AGAP5: variants seen among roughly 807,000 people sequenced by gnomAD.
AGAP5 encodes arf-GAP with GTPase, ANK repeat and PH domain-containing protein 5.
A neutral mutation model predicts 27.7 loss-of-function variants in AGAP5; 8 were observed. The ratio of observed to expected loss-of-function variants is 0.29; its 90% confidence interval spans 0.17 to 0.52. The LOEUF is 0.52. Among genes scored for constraint, AGAP5 ranks in the 20% least tolerant of loss-of-function variants. AGAP5 has a pLI of 0.97. For synonymous variants in AGAP5, 111 were observed against 338.0 expected (o/e 0.33, Z 7.37); for missense variants, 285 against 880.8 (o/e 0.32, Z 8.56).
intron 6 of AGAP5, among the ~76,000 whole-genome samples, chr10:73,677,762 G>A (rs953095638): frequency 1.3e-4 from 19 of 151,930 alleles, no homozygotes; most frequent in Admixed American, 1.2e-3. Context: ...GTAATACAAA[G>A]TCATTGCCTG....
chr10:73,693,515 TG>T (rs58181997), intron 3 of AGAP5, among the ~76,000 whole-genome samples: 151,958 of 151,958 alleles, frequency 1, 75,979 homozygotes, highest in Non-Finnish European at 1. Context: ...CTGGCCAACA[TG>T]GGTGAAACCC....
chr10:73,677,244 T>C (rs1217938374), intron 6 of AGAP5, among the ~76,000 whole-genome samples: 1 of 151,800 alleles, frequency 6.6e-6, no homozygotes, highest in Non-Finnish European at 1.5e-5. Flanking sequence ...AGGCCAGTCT[T>C]TGAGGAACTT....
chr10:73,686,535 C>T (rs2082065161), intron 4 of AGAP5, among the ~76,000 whole-genome samples: 1 of 152,160 alleles, frequency 6.6e-6, no homozygotes, highest in Non-Finnish European at 1.5e-5. Flanking sequence ...GCAAATGCAA[C>T]AGAAACAAAT....
intron 2 of AGAP5, among the ~76,000 whole-genome samples, chr10:73,695,378 T>C: frequency 1.3e-5 from 2 of 152,172 alleles, no homozygotes. Flanking sequence ...ACACAGGCCT[T>C]ATTTGTATTG....
At chr10:73,680,510 C>G (rs989729515) in intron 5 of AGAP5, among the ~76,000 whole-genome samples, 1 of 115,012 alleles carries the variant, frequency 8.7e-6, no homozygotes, top group Non-Finnish European at 1.8e-5. Flanking sequence ...CTCCACCACC[C>G]AGGTTCAAGC....
At chr10:73,697,214 T>C (rs1288759563) in intron 1 of AGAP5, 51 bp from the exon 2 acceptor site, 2 of 1,587,682 alleles carry the variant, frequency 1.3e-6, no homozygotes, top group African/African-American at 2.7e-5. Flanking sequence ...TTATAAAAAT[T>C]TATCAACTCA....
At chr10:73,687,236 A>T (rs1048865588) in intron 4 of AGAP5, among the ~76,000 whole-genome samples, 3 of 152,246 alleles carry the variant, frequency 2.0e-5, no homozygotes, top group African/African-American at 7.2e-5. Flanking sequence ...AATTTTATAT[A>T]TGTTTTTAAA....
At chr10:73,697,368 G>A (rs1446200943) in intron 1 of AGAP5, among the ~76,000 whole-genome samples, 165 bp downstream of exon 1, 4 of 151,998 alleles carry the variant, frequency 2.6e-5, no homozygotes, top group Non-Finnish European at 5.9e-5. Flanking sequence ...GAAAGACTAA[G>A]GGGTGGGAAT....
chr10:73,692,872 C>T (rs191509886), intron 3 of AGAP5, among the ~76,000 whole-genome samples: 45 of 152,012 alleles, frequency 3.0e-4, no homozygotes, highest in Non-Finnish European at 4.7e-4. Flanking sequence ...GTCTTGATCT[C>T]CTAACCTCGT....
Position 73,697,490 on chromosome 10 carries a change from C to T in AGAP5, c.223+43G>A, listed in dbSNP as rs187954045. Reference sequence around the variant, plus strand: ...AAGGGAACCTTGGGGACAGCAGCAGCCAGAGGCAAACCGAGGGTAGATGGC... The same window carrying T: ...AAGGGAACCTTGGGGACAGCAGCAGTCAGAGGCAAACCGAGGGTAGATGGC... On this transcript the variant is annotated intron_variant, in intron 1 of 7. Coordinates refer to ENST00000374094, the MANE Select transcript of AGAP5 (RefSeq NM_001144000.4). The T allele has an allele frequency of 1.1e-4, 182 of 1,607,914 alleles. No individual in the cohort carries two copies. The African/African-American group carries it at 2.2e-3, about 19-fold the overall frequency.
At chr10:73,686,363 A>C (rs1434302049) in intron 4 of AGAP5, among the ~76,000 whole-genome samples, 1 of 152,234 alleles carries the variant, frequency 6.6e-6, no homozygotes, top group Non-Finnish European at 1.5e-5. Flanking sequence ...ATGCGGGAGA[A>C]TGAAACTGGA....
chr10:73,679,409 G>A (rs1016681834), intron 6 of AGAP5, among the ~76,000 whole-genome samples: 2 of 151,976 alleles, frequency 1.3e-5, no homozygotes, highest in African/African-American at 4.8e-5. Flanking sequence ...TGATCCGCCC[G>A]CCTCAGCCTC....
intron 4 of AGAP5, among the ~76,000 whole-genome samples, chr10:73,690,472 G>A (rs532190142): frequency 4.6e-5 from 7 of 152,098 alleles, no homozygotes; most frequent in African/African-American, 1.4e-4. Context: ...CAAACACTGC[G>A]GAAGGCCGCA....
In AGAP5 at chr10:73,674,471, A is replaced by G. The variant is rs2081958815; in HGVS notation, c.*128T>C. ...AAATCAACATTTTGTGTATTTACTT[A>G]GTTTATGAAAAGTACTGAAAATGCT... On this transcript the variant is annotated 3_prime_UTR_variant, in exon 8 of 8. Coordinates refer to ENST00000374094, the MANE Select transcript of AGAP5 (RefSeq NM_001144000.4). The G allele has an allele frequency of 6.3e-7, 1 of 1,584,362 alleles. No homozygotes were observed. The highest frequency in any genetic ancestry group is 8.6e-7 in the Non-Finnish European group (1 of 1,163,610).
chr10:73,679,309 C>T (rs1173679124), intron 6 of AGAP5, among the ~76,000 whole-genome samples: 1 of 151,902 alleles, frequency 6.6e-6, no homozygotes, highest in African/African-American at 2.4e-5. Context: ...ACTACAGGTG[C>T]GTGCCACCAT....
At chr10:73,690,134 A>C (rs2082104604) in intron 4 of AGAP5, among the ~76,000 whole-genome samples, 1 of 152,270 alleles carries the variant, frequency 6.6e-6, no homozygotes, top group Non-Finnish European at 1.5e-5. Context: ...AGAACGGGCC[A>C]TGATGACAAT....
chr10:73,692,428 A>AGC (rs2082127338), intron 3 of AGAP5, among the ~76,000 whole-genome samples: 2 of 152,118 alleles, frequency 1.3e-5, no homozygotes, highest in African/African-American at 4.8e-5. Flanking sequence ...CTAATTCTGC[A>AGC]TTTACACATA....
intron 4 of AGAP5, among the ~76,000 whole-genome samples, chr10:73,689,494 G>T (rs2132454460): frequency 1.4e-5 from 2 of 147,992 alleles, no homozygotes; most frequent in Middle Eastern, 7.8e-3. Flanking sequence ...GCCCAGTCTG[G>T]AAAGTGAGGA....
At position 73,692,039 on chromosome 10, in the gene AGAP5, T is replaced by G. The variant is rs773792161; in HGVS notation, c.396+4A>C. ...ATTTCTTAACTATTTGAGTGTTTAC[T>G]TACATGGTTTGTACAGTTGCTTCTT... On this transcript the variant is annotated splice_donor_region_variant and intron_variant, in intron 4 of 7. Transcript: ENST00000374094. 1.6e-5 allele frequency: 24 copies of G among 1,500,466 alleles called. No individual in the cohort carries two copies. Among genetic ancestry groups the G allele is most frequent in the South Asian group, 8.4e-5 (7 of 83,160 alleles). 92.9% of individuals were successfully genotyped at this position (1,500,466 alleles called of 1,614,324 possible).
Sources: gnomAD v4.1 joint callset for allele counts (sites outside exome capture counted in the v4.1 genomes callset) on GRCh38, gnomAD v4.1.1 for gene constraint, MANE v1.5 for transcripts, NCBI Gene and HGNC (gene_info 2026-07-23, HGNC 2026-07-21) for gene names.